The following DOCK3 variants were observed in gnomAD, a reference collection of about 807,000 sequenced individuals.
The protein encoded by DOCK3 is dedicator of cytokinesis protein 3.
A neutral mutation model predicts 265.6 loss-of-function variants in DOCK3; 60 were observed. The ratio of observed to expected loss-of-function variants is 0.23; its 90% CI spans 0.18 to 0.28. The LOEUF is 0.28. DOCK3 is among the 10% of genes least tolerant of loss of function. The pLI, the probability that DOCK3 is intolerant of heterozygous loss-of-function variation, is 1.00. For synonymous variants in DOCK3, 881 were observed against 938.0 expected, an observed-to-expected ratio of 0.94 and a Z score of 1.11; for missense variants, 1,981 against 2,594.3, an observed-to-expected ratio of 0.76 and a Z score of 5.14.
At chr3:50,821,586 C>T (rs1162622778) in intron 2 of DOCK3, among the ~76,000 whole-genome samples, 4 of 152,176 alleles carry the variant, frequency 2.6e-5, no homozygotes, top group Non-Finnish European at 5.9e-5. Flanking sequence ...AGGCCTGAGC[C>T]ACCGTGCCTG....
intron 5 of DOCK3, among the ~76,000 whole-genome samples, chr3:51,002,951 C>A (rs897211106): frequency 5.9e-5 from 9 of 152,084 alleles, no homozygotes; most frequent in Admixed American, 2.6e-4. Context: ...GATTATTATT[C>A]ATTCTGGAAA....
chr3:51,035,663 G>A (rs2080237712), intron 5 of DOCK3, among the ~76,000 whole-genome samples: 1 of 152,160 alleles, frequency 6.6e-6, no homozygotes. Context: ...CATTGTAAAT[G>A]TTATAGAGAA....
At chr3:51,264,829 A>AAATAAATAAATAAAT (rs1553820740) in intron 23 of DOCK3, among the ~76,000 whole-genome samples, 8 of 142,160 alleles carry the variant, frequency 5.6e-5, no homozygotes, top group African/African-American at 1.0e-4. Flanking sequence ...TCAGTCTCAA[A>AAATAAATAAATAAAT]AAATAAATAA....
At chr3:50,870,162 C>G (rs1297600119) in intron 3 of DOCK3, among the ~76,000 whole-genome samples, 1 of 152,030 alleles carries the variant, frequency 6.6e-6, no homozygotes, top group East Asian at 1.9e-4. Flanking sequence ...TCTGATGTTT[C>G]TTTGTTGATT....
chr3:50,986,539 C>G (rs1197458072), intron 5 of DOCK3, among the ~76,000 whole-genome samples: 1 of 152,198 alleles, frequency 6.6e-6, no homozygotes, highest in East Asian at 1.9e-4. Context: ...AGGCCCATTC[C>G]CATCCTTACT....
chr3:50,922,695 CT>C (rs1166625763), intron 4 of DOCK3, among the ~76,000 whole-genome samples: 1 of 151,740 alleles, frequency 6.6e-6, no homozygotes, highest in African/African-American at 2.4e-5. Context: ...AAGTTTTGTA[CT>C]TTTGTTTTTT....
At chr3:51,260,815 C>G (rs1809388) in intron 23 of DOCK3, among the ~76,000 whole-genome samples, 10,735 of 151,892 alleles carry the variant, frequency 0.071, 954 homozygotes, top group East Asian at 0.32. Flanking sequence ...AACCCCATCT[C>G]TACTAAAAAT....
chr3:51,369,121 A>C (rs1454234502), intron 49 of DOCK3, among the ~76,000 whole-genome samples: 1 of 152,264 alleles, frequency 6.6e-6, no homozygotes, highest in Non-Finnish European at 1.5e-5. Flanking sequence ...AATTCTAAAA[A>C]TCAGAGCACT....
chr3:50,936,047 CA>C (rs1489112915), intron 5 of DOCK3, among the ~76,000 whole-genome samples: 10 of 151,970 alleles, frequency 6.6e-5, no homozygotes, highest in Non-Finnish European at 1.5e-5. Flanking sequence ...CTTCAACAAG[CA>C]ATTACAAACA....
chr3:50,703,377 A>G (rs1007761039), intron 1 of DOCK3, among the ~76,000 whole-genome samples: 3 of 152,054 alleles, frequency 2.0e-5, no homozygotes, highest in African/African-American at 7.2e-5. Flanking sequence ...AATTGGGAAG[A>G]ATTCAGTTTT....
At position 50,782,939 on chromosome 3, in the gene DOCK3, C is replaced by T. The variant is rs1253714973; in HGVS notation, c.121+4181C>T. 2.7e-5 allele frequency among the ~76,000 whole-genome samples: 4 copies of T among 149,218 alleles called. No individual in the cohort carries two copies. In the East Asian group the frequency reaches 6.0e-4, roughly 22 times the overall value. Reference sequence around the variant, plus strand: ...TCACTTAGAATAATGGTCTCCAATTCCATCCAGGTTGCTGTGAATGCCATG... The same window carrying T: ...TCACTTAGAATAATGGTCTCCAATTTCATCCAGGTTGCTGTGAATGCCATG... On this transcript the variant is annotated intron_variant, in intron 2 of 52. Transcript: ENST00000266037.
intron 1 of DOCK3, among the ~76,000 whole-genome samples, chr3:50,691,303 T>C (rs911094298): frequency 1.3e-5 from 2 of 150,456 alleles, no homozygotes; most frequent in Non-Finnish European, 1.5e-5. Context: ...AAAAAAAAAG[T>C]AATCATACAA....
intron 14 of DOCK3, among the ~76,000 whole-genome samples, chr3:51,218,796 A>G (rs2089936423): frequency 6.6e-6 from 1 of 152,200 alleles, no homozygotes; most frequent in Non-Finnish European, 1.5e-5. Context: ...TGGTTGCCGA[A>G]CCTCAGTGTG....
intron 2 of DOCK3, among the ~76,000 whole-genome samples, chr3:50,806,710 T>C (rs1276922402): frequency 6.6e-6 from 1 of 151,962 alleles, no homozygotes; most frequent in Non-Finnish European, 1.5e-5. Context: ...CTGTGGGTGC[T>C]TGGCATAATG....
chr3:50,811,045 C>A (rs1001038964), intron 2 of DOCK3, among the ~76,000 whole-genome samples: 2 of 152,028 alleles, frequency 1.3e-5, no homozygotes, highest in Admixed American at 6.5e-5. Context: ...TGCAGTGATA[C>A]AACAAAGATA....
chr3:51,354,761 G>T, intron 40 of DOCK3, 121 bp from the exon 41 acceptor site: 1 of 1,457,384 alleles, frequency 6.9e-7, no homozygotes. Flanking sequence ...GCCTGTCCCA[G>T]GGCCTGATAC....
chr3:50,982,617 G>T (rs936524303), intron 5 of DOCK3, among the ~76,000 whole-genome samples: 7 of 152,206 alleles, frequency 4.6e-5, no homozygotes, highest in Non-Finnish European at 5.9e-5. Context: ...TGCAGAGAGG[G>T]TACAGGGAGG....
At chr3:50,990,216 C>T (rs867696680) in intron 5 of DOCK3, among the ~76,000 whole-genome samples, 2 of 152,138 alleles carry the variant, frequency 1.3e-5, no homozygotes, top group East Asian at 1.9e-4. Context: ...AAAGTAAAAA[C>T]GACTTGGAAA....
Position 50,928,871 on chromosome 3 carries a change from A to G in DOCK3, c.219-5110A>G, listed in dbSNP as rs541298018. Reference sequence around the variant, plus strand: ...AAACCATACTTTGGGTACCTGTATAACCATTGTGTTTTTTACTGTCAGTAC... The same window carrying G: ...AAACCATACTTTGGGTACCTGTATAGCCATTGTGTTTTTTACTGTCAGTAC... On this transcript the variant is annotated intron_variant, in intron 4 of 52. Transcript: ENST00000266037. 9.6e-4 allele frequency among the ~76,000 whole-genome samples: 147 copies of G among 152,342 alleles called. 4 individuals are homozygous for G. The South Asian group carries it at 0.029, about 30-fold the overall frequency.
Sources: allele counts gnomAD v4.1 joint callset (sites outside exome capture counted in the v4.1 genomes callset), GRCh38; gene constraint gnomAD v4.1.1; transcripts MANE v1.5; gene names NCBI Gene and HGNC (gene_info 2026-07-23, HGNC 2026-07-21).